SEMA3E: variants seen among roughly 807,000 people sequenced by gnomAD.
SEMA3E encodes the protein semaphorin 3E, also known as semaphorin-3E.
In SEMA3E, 49 loss-of-function variants were observed where a neutral mutation model predicts 93.6. The ratio of observed to expected loss-of-function variants is 0.52; its 90% CI spans 0.42 to 0.66. SEMA3E has a LOEUF of 0.66. Among genes scored for constraint, SEMA3E ranks in the 30% least tolerant of loss-of-function variants. The probability of loss-of-function intolerance (pLI) is 0.00; values close to 1 mark genes in which losing one functional copy is unlikely to be tolerated. For synonymous variants in SEMA3E, 363 were observed against 330.7 expected (o/e 1.10, Z -1.06); for missense variants, 906 against 964.8 (o/e 0.94, Z 0.81).
chr7:83,370,067 T>G (rs1032108491), intron 16 of SEMA3E, among the ~76,000 whole-genome samples: 1 of 152,168 alleles, frequency 6.6e-6, no homozygotes, highest in Non-Finnish European at 1.5e-5. Context: ...TCTCATTACC[T>G]TAAGGTGCAA....
chr7:83,384,379 G>A (rs1361672676), intron 16 of SEMA3E, among the ~76,000 whole-genome samples: 1 of 152,002 alleles, frequency 6.6e-6, no homozygotes, highest in African/African-American at 2.4e-5. Context: ...CTGTAATAGA[G>A]ACAGGTCTCT....
At chr7:83,575,320 C>T (rs1792377123) in intron 1 of SEMA3E, among the ~76,000 whole-genome samples, 1 of 150,956 alleles carries the variant, frequency 6.6e-6, no homozygotes, top group South Asian at 2.1e-4. Context: ...AAGATAGAGT[C>T]AAATTAAAGA....
At chr7:83,566,337 C>T (rs1321769839) in intron 1 of SEMA3E, among the ~76,000 whole-genome samples, 1 of 151,980 alleles carries the variant, frequency 6.6e-6, no homozygotes, top group Admixed American at 6.6e-5. Flanking sequence ...CTAAACATAT[C>T]AAACTCTTTT....
At chr7:83,420,069 C>G (rs1291724280) in intron 4 of SEMA3E, among the ~76,000 whole-genome samples, 1 of 152,126 alleles carries the variant, frequency 6.6e-6, no homozygotes, top group Non-Finnish European at 1.5e-5. Flanking sequence ...TCTCCTAGAA[C>G]AGATAGATGA....
intron 1 of SEMA3E, among the ~76,000 whole-genome samples, chr7:83,585,334 G>A (rs1349251429): frequency 6.6e-6 from 1 of 152,112 alleles, no homozygotes; most frequent in Non-Finnish European, 1.5e-5. Context: ...TTTGTTGCCT[G>A]TCTCTCCCAC....
intron 1 of SEMA3E, among the ~76,000 whole-genome samples, chr7:83,524,900 A>G (rs140992314): frequency 6.6e-6 from 1 of 151,920 alleles, no homozygotes; most frequent in African/African-American, 2.4e-5. Flanking sequence ...CTGTTGGTGC[A>G]GCTCTCATCC....
intron 4 of SEMA3E, among the ~76,000 whole-genome samples, chr7:83,432,024 G>A (rs983422681): frequency 1.3e-5 from 2 of 151,642 alleles, no homozygotes; most frequent in African/African-American, 4.8e-5. Context: ...ACTTGGAGGG[G>A]CCATGTGTAG....
intron 4 of SEMA3E, among the ~76,000 whole-genome samples, chr7:83,449,661 T>C (rs1231089641): frequency 3.3e-5 from 5 of 152,136 alleles, no homozygotes; most frequent in Admixed American, 6.5e-5. Flanking sequence ...CTTTCGGACT[T>C]AACTTGATTG....
chr7:83,553,781 T>A (rs2115810430), intron 1 of SEMA3E, among the ~76,000 whole-genome samples: 1 of 152,318 alleles, frequency 6.6e-6, no homozygotes, highest in African/African-American at 2.4e-5. Flanking sequence ...TCAATCCTAG[T>A]TCATAAGTCA....
At chr7:83,604,184 G>A (rs1436016126) in intron 1 of SEMA3E, among the ~76,000 whole-genome samples, 3 of 151,916 alleles carry the variant, frequency 2.0e-5, no homozygotes, top group African/African-American at 7.2e-5. Flanking sequence ...AAGGAGGACA[G>A]AGAAATTTTA....
intron 4 of SEMA3E, among the ~76,000 whole-genome samples, chr7:83,421,149 A>G (rs1054674752): frequency 1.4e-5 from 2 of 142,638 alleles, no homozygotes; most frequent in African/African-American, 5.0e-5. Context: ...GGAAAAGAAT[A>G]ACAAAATGTA....
In SEMA3E at chr7:83,648,881, A is replaced by AT; in HGVS notation, c.-340_-339insA. On this transcript the variant is annotated 5_prime_UTR_variant, in exon 1 of 17. It adds an upstream start codon to the 5' untranslated region. Transcript: ENST00000643230. ...GTCACTTGGGCAAAGCTGTTCATTC[A>AT]GAAAAAAAAAAAAAAAAGAGAGAAA... 6.1e-6 allele frequency: 1 copy of AT among 163,504 alleles called. No homozygotes were observed. The highest frequency in any genetic ancestry group is 1.1e-5 in the Non-Finnish European group (1 of 88,202). The allele number at this position is 163,504 out of a possible 1,614,324, so 10.1% of individuals were successfully genotyped here.
At chr7:83,611,739 A>G (rs1793271567) in intron 1 of SEMA3E, among the ~76,000 whole-genome samples, 1 of 152,086 alleles carries the variant, frequency 6.6e-6, no homozygotes, top group Non-Finnish European at 1.5e-5. Flanking sequence ...CATGTCCTAC[A>G]TAAACTATTA....
chr7:83,469,356 A>C, intron 2 of SEMA3E, 54 bp from the exon 3 acceptor site: 5 of 1,225,602 alleles, frequency 4.1e-6, no homozygotes, highest in African/African-American at 1.5e-5. Flanking sequence ...AATAAACCAC[A>C]CTGAAAACCA....
chr7:83,493,640 T>C (rs559929309), intron 1 of SEMA3E, among the ~76,000 whole-genome samples: 3 of 152,090 alleles, frequency 2.0e-5, no homozygotes, highest in Admixed American at 6.6e-5. Flanking sequence ...GGCTACTCTC[T>C]ACCCTGACCA....
intron 1 of SEMA3E, among the ~76,000 whole-genome samples, chr7:83,568,762 A>G (rs1438488924): frequency 6.6e-6 from 1 of 152,136 alleles, no homozygotes; most frequent in Non-Finnish European, 1.5e-5. Flanking sequence ...CACAGCTAAT[A>G]TCTTACAGAA....
At chr7:83,627,257 T>C (rs1273174956) in intron 1 of SEMA3E, among the ~76,000 whole-genome samples, 2 of 152,290 alleles carry the variant, frequency 1.3e-5, no homozygotes, top group Admixed American at 6.5e-5. Flanking sequence ...CTGAATATCC[T>C]TGTTAATTTT....
intron 4 of SEMA3E, among the ~76,000 whole-genome samples, chr7:83,433,666 G>C (rs921830544): frequency 1.3e-5 from 2 of 152,012 alleles, no homozygotes. Context: ...AAAGCTTTCA[G>C]ATTTTTCAAA....
chr7:83,554,457 A>G (rs958245506), intron 1 of SEMA3E, among the ~76,000 whole-genome samples: 3 of 152,158 alleles, frequency 2.0e-5, no homozygotes, highest in African/African-American at 7.2e-5. Flanking sequence ...ATTTCTACAT[A>G]GAGCTAAGAC....
Sources: allele counts gnomAD v4.1 joint callset (sites outside exome capture counted in the v4.1 genomes callset), GRCh38; gene constraint gnomAD v4.1.1; transcripts MANE v1.5; gene names NCBI Gene and HGNC (gene_info 2026-07-23, HGNC 2026-07-21).